The following HTR2A variants were observed in gnomAD, a reference collection of about 807,000 sequenced individuals.
HTR2A encodes 5-hydroxytryptamine receptor 2A, also known as 5-HT2 receptor.
In HTR2A, 14 loss-of-function variants were observed where a neutral mutation model predicts 31.0. That is an observed-to-expected ratio of 0.45 (90% confidence interval 0.30 to 0.71). The LOEUF is 0.71. Ranked by LOEUF, HTR2A falls within the 30% of genes least tolerant of loss-of-function variation. The pLI, the probability that HTR2A is intolerant of heterozygous loss-of-function variation, is 0.09. For synonymous variants in HTR2A, 209 were observed against 225.2 expected (o/e 0.93, Z 0.64); for missense variants, 442 against 573.3 (o/e 0.77, Z 2.34).
chr13:46,863,361 C>A (rs939964282), intron 3 of HTR2A, among the ~76,000 whole-genome samples: 1 of 151,978 alleles, frequency 6.6e-6, no homozygotes, highest in Admixed American at 6.6e-5. Context: ...GTGGCTCATA[C>A]CTATAAATTT....
chr13:46,864,670 C>T (rs555952463), intron 3 of HTR2A, among the ~76,000 whole-genome samples: 5 of 152,256 alleles, frequency 3.3e-5, no homozygotes, highest in Admixed American at 6.5e-5. Context: ...CTTTATAAGA[C>T]ACTAATTAGC....
intron 3 of HTR2A, among the ~76,000 whole-genome samples, chr13:46,867,986 T>C (rs1430397080): frequency 6.6e-6 from 1 of 152,154 alleles, no homozygotes; most frequent in Non-Finnish European, 1.5e-5. Context: ...AAGTGGAAAA[T>C]AGAATGGTTC....
chr13:46,846,492 C>G (rs1462793901), intron 3 of HTR2A, among the ~76,000 whole-genome samples: 1 of 152,156 alleles, frequency 6.6e-6, no homozygotes, highest in Non-Finnish European at 1.5e-5. Context: ...TTGCTTGCCA[C>G]TTTGCACATA....
intron 3 of HTR2A, among the ~76,000 whole-genome samples, chr13:46,864,393 T>C: frequency 6.6e-6 from 1 of 152,198 alleles, no homozygotes; most frequent in East Asian, 1.9e-4. Context: ...CAGGTACCCC[T>C]GAACTTAAAA....
intron 3 of HTR2A, among the ~76,000 whole-genome samples, chr13:46,880,872 T>G (rs1441907629): frequency 6.6e-6 from 1 of 152,060 alleles, no homozygotes; most frequent in Non-Finnish European, 1.5e-5. Context: ...GGCACCTCTT[T>G]CTTTCTTATG....
intron 3 of HTR2A, among the ~76,000 whole-genome samples, chr13:46,874,794 G>A (rs1343312163): frequency 6.6e-6 from 1 of 152,238 alleles, no homozygotes; most frequent in Admixed American, 6.5e-5. Flanking sequence ...TAGTGTAGCT[G>A]AGAAACACAA....
intron 3 of HTR2A, among the ~76,000 whole-genome samples, chr13:46,868,063 C>G (rs2138223225): frequency 6.6e-6 from 1 of 152,248 alleles, no homozygotes; most frequent in Non-Finnish European, 1.5e-5. Flanking sequence ...AACTGGAAAT[C>G]TAGATAATAT....
At chr13:46,845,200 CA>C (rs1950631691) in intron 3 of HTR2A, among the ~76,000 whole-genome samples, 1 of 152,026 alleles carries the variant, frequency 6.6e-6, no homozygotes, top group Admixed American at 6.6e-5. Context: ...GATCGAGAGG[CA>C]AAATAGATGA....
Position 46,834,547 on chromosome 13 carries a change from G to T in HTR2A, c.*290C>A. ...ATAGAAGTTAATTTAGATTTACTTAGGGCTTCATAATTATACAATAAAAGT... is the reference window on the plus strand; with the variant it reads ...ATAGAAGTTAATTTAGATTTACTTATGGCTTCATAATTATACAATAAAAGT... On this transcript the variant is annotated 3_prime_UTR_variant, in exon 4 of 4. Coordinates refer to ENST00000542664, the MANE Select transcript of HTR2A (RefSeq NM_000621.5). The T allele has an allele frequency of 3.1e-6, 1 of 322,854 alleles. No individual in the cohort carries two copies. 20.0% of individuals were successfully genotyped at this position (322,854 alleles called of 1,614,324 possible). A position where few individuals can be genotyped will look rare whatever the true frequency, so the allele number is the denominator to read the frequency against.
At chr13:46,847,353 A>G (rs1376041921) in intron 3 of HTR2A, among the ~76,000 whole-genome samples, 3 of 152,220 alleles carry the variant, frequency 2.0e-5, no homozygotes, top group Admixed American at 2.0e-4. Flanking sequence ...TTAACAGTTA[A>G]AAATGAATCC....
At chr13:46,875,113 A>G (rs1038441741) in intron 3 of HTR2A, among the ~76,000 whole-genome samples, 1 of 152,248 alleles carries the variant, frequency 6.6e-6, no homozygotes, top group Non-Finnish European at 1.5e-5. Flanking sequence ...GTTCTTTATT[A>G]AATGTATAGC....
intron 3 of HTR2A, among the ~76,000 whole-genome samples, chr13:46,882,173 G>T (rs1950970694): frequency 6.6e-6 from 1 of 151,586 alleles, no homozygotes; most frequent in Admixed American, 6.6e-5. Context: ...GTAGTTTTTG[G>T]GAAATTAGAG....
At chr13:46,897,410 C>T (rs1339398343), upstream of HTR2A, among the ~76,000 whole-genome samples, 1 of 152,180 alleles carries the variant, frequency 6.6e-6, no homozygotes, top group Non-Finnish European at 1.5e-5. Context: ...GCCACATAGG[C>T]TCAGGGTGGC....
chr13:46,896,324 A>C, intron 1 of HTR2A, 90 bp from the exon 2 acceptor site: 2 of 701,978 alleles, frequency 2.8e-6, no homozygotes, highest in Non-Finnish European at 3.7e-6. Context: ...CTAGTTTAGC[A>C]ACAGTATTAT....
chr13:46,853,578 G>A (rs1040720705), intron 3 of HTR2A, among the ~76,000 whole-genome samples: 11 of 152,142 alleles, frequency 7.2e-5, no homozygotes, highest in African/African-American at 2.4e-4. Context: ...TGATTCTAAT[G>A]TGCTGCTAAG....
intron 3 of HTR2A, among the ~76,000 whole-genome samples, chr13:46,847,559 A>T (rs1950652083): frequency 6.6e-6 from 1 of 152,220 alleles, no homozygotes; most frequent in African/African-American, 2.4e-5. Flanking sequence ...AACAAAACAG[A>T]TCTGTGGGCT....
At chr13:46,879,804 A>G (rs548171602) in intron 3 of HTR2A, among the ~76,000 whole-genome samples, 1 of 152,280 alleles carries the variant, frequency 6.6e-6, no homozygotes, top group East Asian at 1.9e-4. Flanking sequence ...CAGGAGTTCA[A>G]GATCAGCCTG....
At chr13:46,877,644 C>T (rs731778) in intron 3 of HTR2A, among the ~76,000 whole-genome samples, 6,896 of 152,116 alleles carry the variant, frequency 0.045, 165 homozygotes, top group Middle Eastern at 0.078. Context: ...ACATTTTCTG[C>T]TTTGCTTTCC....
chr13:46,882,054 TTG>T (rs1289610965), intron 3 of HTR2A, among the ~76,000 whole-genome samples: 26 of 152,064 alleles, frequency 1.7e-4, no homozygotes, highest in Middle Eastern at 3.4e-3. Flanking sequence ...GAATTTGAGG[TTG>T]CTCATAAAAA....
Sources: gnomAD v4.1 joint callset for allele counts (sites outside exome capture counted in the v4.1 genomes callset) on GRCh38, gnomAD v4.1.1 for gene constraint, MANE v1.5 for transcripts, NCBI Gene and HGNC (gene_info 2026-07-23, HGNC 2026-07-21) for gene names.